The following PKHD1 variants were observed in gnomAD, a reference collection of about 807,000 sequenced individuals.
The protein encoded by PKHD1 is PKHD1 ciliary IPT domain containing fibrocystin/polyductin, also known as fibrocystin.
In PKHD1, 291 loss-of-function variants were observed where a neutral mutation model predicts 412.0. The ratio of observed to expected loss-of-function variants is 0.71; its 90% CI spans 0.64 to 0.78. PKHD1 has a LOEUF of 0.78. Ranked by LOEUF, PKHD1 falls within the 30% of genes least tolerant of loss-of-function variation. The probability of loss-of-function intolerance (pLI) is 0.00; values close to 1 mark genes in which losing one functional copy is unlikely to be tolerated. For missense variants in PKHD1, 4,825 were observed against 4,950.7 expected, an observed-to-expected ratio of 0.97 and a Z score of 0.76; for synonymous variants, 1,777 against 1,821.5, an observed-to-expected ratio of 0.98 and a Z score of 0.62.
intron 52 of PKHD1, among the ~76,000 whole-genome samples, chr6:51,820,264 C>A (rs541685141): frequency 7.9e-5 from 12 of 152,194 alleles, no homozygotes; most frequent in African/African-American, 2.9e-4. Context: ...GTTCTTGTGA[C>A]CTAGCCTTCA....
rs191673345 is a variant in PKHD1 at position 52,078,373 on chromosome 6, G to A, written c.390+1527C>T. On this transcript the variant is annotated intron_variant, in intron 5 of 66. Transcript: ENST00000371117. ...TGTGGTCAGTAGAAGCAAAAGAGGG[G>A]AGAGGAAATGCAGCAGATTAGGATG... Among the ~76,000 whole-genome samples the A allele has an allele frequency of 1.9e-4, 29 of 152,248 alleles. No homozygotes were observed. In the East Asian group the frequency reaches 4.8e-3, roughly 25 times the overall value.
At chr6:52,061,973 C>T (rs1554219255) in intron 14 of PKHD1, among the ~76,000 whole-genome samples, 1 of 152,162 alleles carries the variant, frequency 6.6e-6, no homozygotes, top group Non-Finnish European at 1.5e-5. Context: ...GAATTACACA[C>T]CATTAAACAG....
intron 62 of PKHD1, 143 bp downstream of exon 62, chr6:51,648,942 G>C (rs1377558685): frequency 5.2e-6 from 4 of 773,226 alleles, no homozygotes; most frequent in Non-Finnish European, 6.8e-6. Flanking sequence ...AAATGTGAAA[G>C]TAGTGAGAAG....
At chr6:51,625,502 T>G (rs1767113682) in intron 66 of PKHD1, among the ~76,000 whole-genome samples, 1 of 152,098 alleles carries the variant, frequency 6.6e-6, no homozygotes, top group Admixed American at 6.6e-5. Context: ...GATAACACAT[T>G]TTTCTATTTT....
intron 35 of PKHD1, chr6:51,975,963 T>TGAAAAAAAAATAAAAAAAAA (rs1231391714): frequency 1.4e-5 from 1 of 69,768 alleles, no homozygotes; most frequent in African/African-American, 5.4e-5. Flanking sequence ...TTTCTCTAAT[T>TGAAAAAAAAATAAAAAAAAA]AAAAAAAAAA....
chr6:51,793,576 T>C (rs1171766162), intron 52 of PKHD1, among the ~76,000 whole-genome samples: 1 of 152,302 alleles, frequency 6.6e-6, no homozygotes, highest in Non-Finnish European at 1.5e-5. Context: ...CCATGTGTTC[T>C]CATCACTTAG....
At chr6:51,711,874 T>C (rs1053766171) in intron 60 of PKHD1, among the ~76,000 whole-genome samples, 1 of 152,216 alleles carries the variant, frequency 6.6e-6, no homozygotes, top group Admixed American at 6.5e-5. Context: ...ATGAGGCATC[T>C]CCTACCCCTT....
intron 66 of PKHD1, among the ~76,000 whole-genome samples, chr6:51,623,666 C>T (rs909963924): frequency 1.3e-5 from 2 of 152,164 alleles, no homozygotes; most frequent in African/African-American, 4.8e-5. Context: ...CCACTGCGCC[C>T]TCCACCTCCT....
intron 54 of PKHD1, among the ~76,000 whole-genome samples, chr6:51,774,580 G>GA (rs1423723339): frequency 4.0e-5 from 6 of 151,784 alleles, no homozygotes; most frequent in Non-Finnish European, 8.8e-5. Flanking sequence ...AGCATGCATG[G>GA]AAAAAACCTT....
At chr6:51,893,512 G>A (rs1213921217) in intron 43 of PKHD1, among the ~76,000 whole-genome samples, 5 of 152,272 alleles carry the variant, frequency 3.3e-5, no homozygotes, top group Middle Eastern at 3.4e-3. Context: ...ATTCCTTCCT[G>A]GCCCTTCTTA....
intron 37 of PKHD1, among the ~76,000 whole-genome samples, chr6:51,922,030 A>G (rs1784792371): frequency 6.6e-6 from 1 of 152,174 alleles, no homozygotes; most frequent in South Asian, 2.1e-4. Context: ...TAGAATTTTC[A>G]GCTTTTCTGC....
chr6:52,011,473 G>A (rs1799814403), intron 34 of PKHD1, among the ~76,000 whole-genome samples: 1 of 152,184 alleles, frequency 6.6e-6, no homozygotes, highest in Non-Finnish European at 1.5e-5. Flanking sequence ...AACTACGGTA[G>A]CTCCGAGGTC....
chr6:51,630,265 C>G (rs1489063081), intron 65 of PKHD1, among the ~76,000 whole-genome samples: 1 of 152,100 alleles, frequency 6.6e-6, no homozygotes, highest in South Asian at 2.1e-4. Context: ...AAATGCTCAT[C>G]CCTTTTCTAC....
At chr6:51,677,059 T>C (rs1008341184) in intron 60 of PKHD1, among the ~76,000 whole-genome samples, 12 of 152,118 alleles carry the variant, frequency 7.9e-5, no homozygotes, top group African/African-American at 2.7e-4. Context: ...TTCTAATTAT[T>C]ATGAAAAAGA....
Position 51,885,933 on chromosome 6 carries a change from C to A in PKHD1, c.7149G>T (p.Trp2383Cys), listed in dbSNP as rs757590581. Residue 2383 changes from tryptophan (W) to cysteine (C), a missense_variant, in exon 45 of 67, where the codon TGG becomes TGT. Coordinates refer to ENST00000371117, the MANE Select transcript of PKHD1 (RefSeq NM_138694.4). ...LFVYPKFQPP[W>C]DNVTGTTLFQ... ...ACAGAGTGGTGCCAGTGACATTATC[C>A]CAAGGTGGCTGAAATTTAGGGTATA... 6 of 1,613,238 alleles carry A rather than the reference C, an allele frequency of 3.7e-6. No individual in the cohort carries two copies. The highest frequency in any genetic ancestry group is 4.2e-6 in the Non-Finnish European group (5 of 1,179,322).
chr6:51,894,782 T>A (rs964244130), intron 43 of PKHD1, among the ~76,000 whole-genome samples: 1 of 152,208 alleles, frequency 6.6e-6, no homozygotes, highest in Non-Finnish European at 1.5e-5. Flanking sequence ...TACATTTGTT[T>A]AATTAATACT....
At chr6:51,660,692 AACAG>A in intron 60 of PKHD1, among the ~76,000 whole-genome samples, 1 of 152,150 alleles carries the variant, frequency 6.6e-6, no homozygotes, top group Non-Finnish European at 1.5e-5. Flanking sequence ...GACGCAGATG[AACAG>A]ACAGATGGAA....
intron 21 of PKHD1, among the ~76,000 whole-genome samples, chr6:52,052,661 T>A (rs1342264097): frequency 6.6e-6 from 1 of 152,170 alleles, no homozygotes; most frequent in African/African-American, 2.4e-5. Flanking sequence ...ATAACAATAA[T>A]AATAACAATA....
chr6:52,086,628 A>C (rs76615272), intron 1 of PKHD1, among the ~76,000 whole-genome samples: 68 of 152,322 alleles, frequency 4.5e-4, no homozygotes, highest in African/African-American at 1.6e-3. Flanking sequence ...TATGCCCACT[A>C]CGTGCTAAGC....
Sources: gnomAD v4.1 joint callset for allele counts (sites outside exome capture counted in the v4.1 genomes callset) on GRCh38, gnomAD v4.1.1 for gene constraint, MANE v1.5 for transcripts, NCBI Gene and HGNC (gene_info 2026-07-23, HGNC 2026-07-21) for gene names.